The following PCSK2 variants were observed in gnomAD, a reference collection of about 807,000 sequenced individuals.
PCSK2 encodes the protein proprotein convertase subtilisin/kexin type 2.
In PCSK2, 14 loss-of-function variants were observed where a neutral mutation model predicts 69.7. That is an observed-to-expected ratio of 0.20 (90% confidence interval 0.13 to 0.31). The LOEUF (loss-of-function observed/expected upper bound fraction) is 0.31. Among genes scored for constraint, PCSK2 ranks in the 10% least tolerant of loss-of-function variants. PCSK2 has a pLI of 1.00. For synonymous variants in PCSK2, 307 were observed against 320.7 expected (o/e 0.96, Z 0.46); for missense variants, 544 against 842.5 (o/e 0.65, Z 4.39).
chr20:17,464,774 A>T (rs2033071393), intron 10 of PCSK2: 1 of 163,352 alleles, frequency 6.1e-6, no homozygotes, highest in South Asian at 1.7e-4. Flanking sequence ...CACATTCTAT[A>T]AGTTACACCT....
rs140841793 is a variant in PCSK2, at chr20:17,417,794, T to C, written c.620+8455T>C. 7.9e-3 allele frequency among the ~76,000 whole-genome samples: 1,204 copies of C among 152,290 alleles called. 9 individuals are homozygous for C. The highest frequency in any genetic ancestry group is 0.012 in the Non-Finnish European group (842 of 68,026). On this transcript the variant is annotated intron_variant, in intron 6 of 11. Transcript: ENST00000262545. ...TTTCTTCAGTATTACTTATGGCTTG[T>C]GGCAGGAGGGAAGAGAATGACTGAA...
chr20:17,238,088 G>A (rs1986412214), intron 1 of PCSK2, among the ~76,000 whole-genome samples: 1 of 152,094 alleles, frequency 6.6e-6, no homozygotes, highest in Non-Finnish European at 1.5e-5. Context: ...TATCCAAGAG[G>A]ATCTGAGTGT....
rs11471979 is a variant in PCSK2, at chr20:17,351,038, T to TAAAAA, written c.283-7275_283-7271dup. Reference sequence around the variant, plus strand: ...CTGGGTGACAGAGCAAGACTTCATCTAAAAAAAAAAAAAAAAAATTAATGT... The same window carrying TAAAAA: ...CTGGGTGACAGAGCAAGACTTCATCTAAAAAAAAAAAAAAAAAAAAAAATTAATGT... On this transcript the variant is annotated intron_variant, in intron 2 of 11. Coordinates refer to ENST00000262545, the MANE Select transcript of PCSK2 (RefSeq NM_002594.5). Among the ~76,000 whole-genome samples, 893 of 134,124 alleles carry TAAAAA rather than the reference T, an allele frequency of 6.7e-3. 8 individuals are homozygous for TAAAAA. Among genetic ancestry groups the TAAAAA allele is most frequent in the African/African-American group, 0.019 (690 of 35,532 alleles). The allele number at this position is 134,124 out of a possible 152,430, so 88.0% of individuals were successfully genotyped here. A position where few individuals can be genotyped will look rare whatever the true frequency, so the allele number is the denominator to read the frequency against.
At chr20:17,353,540 G>A (rs1415578939) in intron 2 of PCSK2, among the ~76,000 whole-genome samples, 1 of 151,800 alleles carries the variant, frequency 6.6e-6, no homozygotes, top group Non-Finnish European at 1.5e-5. Flanking sequence ...ATACGCTGTT[G>A]ATGAGAAAGT....
At chr20:17,272,590 G>T (rs1987911918) in intron 2 of PCSK2, among the ~76,000 whole-genome samples, 1 of 151,938 alleles carries the variant, frequency 6.6e-6, no homozygotes, top group Admixed American at 6.6e-5. Context: ...CTATGATTTT[G>T]ATCAGCATCA....
chr20:17,266,828 C>T (rs898055704), intron 2 of PCSK2, among the ~76,000 whole-genome samples: 3 of 152,068 alleles, frequency 2.0e-5, no homozygotes, highest in Non-Finnish European at 2.9e-5. Flanking sequence ...ATGGGTACTC[C>T]CTCAAAGGAA....
intron 1 of PCSK2, among the ~76,000 whole-genome samples, chr20:17,243,852 G>A (rs73255403): frequency 0.019 from 2,947 of 152,144 alleles, 87 homozygotes; most frequent in African/African-American, 0.067. Context: ...AAGTATTAAC[G>A]TCATAAAAGA....
chr20:17,313,426 C>A (rs1338551542), intron 2 of PCSK2, among the ~76,000 whole-genome samples: 1 of 152,084 alleles, frequency 6.6e-6, no homozygotes, highest in Non-Finnish European at 1.5e-5. Flanking sequence ...AGAAGAGACC[C>A]CCAAGAGCAA....
chr20:17,474,030 T>C (rs767149190), intron 11 of PCSK2, among the ~76,000 whole-genome samples: 1 of 152,116 alleles, frequency 6.6e-6, no homozygotes, highest in Non-Finnish European at 1.5e-5. Context: ...TCTCTTATGA[T>C]GGAAGGAGAG....
chr20:17,398,268 CAATCCCAAT>C (rs1457032505), intron 5 of PCSK2, among the ~76,000 whole-genome samples: 1 of 152,078 alleles, frequency 6.6e-6, no homozygotes, highest in Non-Finnish European at 1.5e-5. Flanking sequence ...CTCATGCCTG[CAATCCCAAT>C]ACTTTAGGAG....
chr20:17,300,607 GA>G (rs1238945069), intron 2 of PCSK2, among the ~76,000 whole-genome samples: 1 of 152,200 alleles, frequency 6.6e-6, no homozygotes, highest in African/African-American at 2.4e-5. Flanking sequence ...GGATATTTAA[GA>G]AGTAGAAAGG....
At chr20:17,279,571 C>T (rs558919629) in intron 2 of PCSK2, among the ~76,000 whole-genome samples, 3 of 151,812 alleles carry the variant, frequency 2.0e-5, no homozygotes, top group South Asian at 2.1e-4. Flanking sequence ...TTTGGGAGGC[C>T]GAGGCGGGTG....
intron 1 of PCSK2, among the ~76,000 whole-genome samples, chr20:17,240,419 G>C (rs981808861): frequency 6.6e-6 from 1 of 152,026 alleles, no homozygotes; most frequent in African/African-American, 2.4e-5. Flanking sequence ...GGTTGCTCCT[G>C]GGGAACTTCA....
chr20:17,309,925 G>A (rs967154885), intron 2 of PCSK2, among the ~76,000 whole-genome samples: 2 of 151,550 alleles, frequency 1.3e-5, no homozygotes, highest in African/African-American at 4.9e-5. Flanking sequence ...GAAGGGGAAG[G>A]GGAAGGGGGA....
At position 17,271,008 on chromosome 20, in the gene PCSK2, A is replaced by T. The variant is rs1215614013; in HGVS notation, c.282+10664A>T. 2.0e-5 allele frequency among the ~76,000 whole-genome samples: 3 copies of T among 150,584 alleles called. No homozygotes were observed. The East Asian group carries it at 6.0e-4, about 30-fold the overall frequency. On this transcript the variant is annotated intron_variant, in intron 2 of 11. Transcript: ENST00000262545. ...ATCTGAGATTCCAGGGACTAACCTG[A>T]AGCCTCTCCAACTGGTTAATATCAA...
rs1426047113 is a variant in PCSK2, at chr20:17,483,300, G to A, written c.*1230G>A. On this transcript the variant is annotated 3_prime_UTR_variant, in exon 12 of 12. Coordinates refer to ENST00000262545, the MANE Select transcript of PCSK2 (RefSeq NM_002594.5). The stretch of plus-strand genomic sequence containing the variant: ...GGAACCTGAGGCCTGAAGGAGGTGA[G>A]AGAAGACCTCTGTGAGGAAAGCACA... 1.3e-5 allele frequency: 2 copies of A among 152,150 alleles called. No individual in the cohort carries two copies. Among genetic ancestry groups the A allele is most frequent in the Non-Finnish European group, 2.9e-5 (2 of 68,022 alleles). The allele number at this position is 152,150 out of a possible 1,614,324, so 9.4% of individuals were successfully genotyped here. A position where few individuals can be genotyped will look rare whatever the true frequency, so the allele number is the denominator to read the frequency against.
In PCSK2 at chr20:17,276,360, T is replaced by C. The variant is rs184039690; in HGVS notation, c.282+16016T>C. ...ACTCCACATTTTAAAATAATATGTG[T>C]ATGCTGAAATGTGTGGATTTGCTTC... On this transcript the variant is annotated intron_variant, in intron 2 of 11. Transcript: ENST00000262545. 1.6e-3 allele frequency among the ~76,000 whole-genome samples: 243 copies of C among 152,246 alleles called. 4 individuals are homozygous for C. Among genetic ancestry groups the C allele is most frequent in the East Asian group, 1.5e-3 (8 of 5,188 alleles).
intron 11 of PCSK2, among the ~76,000 whole-genome samples, chr20:17,480,938 C>T (rs1021288711): frequency 1.3e-5 from 2 of 152,132 alleles, no homozygotes; most frequent in African/African-American, 4.8e-5. Context: ...AGGGGGAACA[C>T]GGGGAGATTC....
rs1217038793 is a variant in PCSK2, at chr20:17,481,637, A to T, written c.1484A>T (p.Glu495Val). Residue 495 changes from glutamate (E) to valine (V), a missense_variant, in exon 12 of 12, where the codon GAG (glutamate) becomes GTG (valine). Coordinates refer to ENST00000262545, the MANE Select transcript of PCSK2 (RefSeq NM_002594.5). ...LVLTLTTDACEGKENFVRYLE... is the reference protein window; with the variant it reads ...LVLTLTTDACVGKENFVRYLE... ...CTGACACTCACAACCGACGCCTGTG[A>T]GGGGAAGGAAAATTTTGTCCGCTAC... is the stretch of plus-strand genomic sequence containing the variant. 2.5e-6 allele frequency: 4 copies of T among 1,613,998 alleles called. No homozygotes were observed. The Admixed American group carries it at 5.0e-5, about 20-fold the overall frequency.
Sources: allele counts gnomAD v4.1 joint callset (sites outside exome capture counted in the v4.1 genomes callset), GRCh38; gene constraint gnomAD v4.1.1; transcripts MANE v1.5; gene names NCBI Gene and HGNC (gene_info 2026-07-23, HGNC 2026-07-21).